Variants in ATG7 observed in about 807,000 individuals in gnomAD.
The protein encoded by ATG7 is ubiquitin-like modifier-activating enzyme ATG7.
A neutral mutation model predicts 82.4 loss-of-function variants in ATG7; 70 were observed. That is an observed-to-expected ratio of 0.85 (90% CI 0.70 to 1.04). The LOEUF is 1.04. Among genes scored for constraint, ATG7 ranks in the 50% least tolerant of loss-of-function variants. The pLI is 0.00. For synonymous variants in ATG7, 287 were observed against 313.0 expected (o/e 0.92, Z 0.88); for missense variants, 792 against 864.3 (o/e 0.92, Z 1.05).
At chr3:11,538,878 A>AAAAAG (rs1395250253) in intron 20 of ATG7, among the ~76,000 whole-genome samples, 55 of 151,040 alleles carry the variant, frequency 3.6e-4, no homozygotes, top group Non-Finnish European at 5.0e-4. Flanking sequence ...TTGTCTCAAA[A>AAAAAG]AAAAAGAAAA....
At chr3:11,489,801 T>C (rs1415155791) in intron 20 of ATG7, among the ~76,000 whole-genome samples, 2 of 151,972 alleles carry the variant, frequency 1.3e-5, no homozygotes, top group Non-Finnish European at 2.9e-5. Flanking sequence ...GTGAGTTTCT[T>C]AATCCTGAGT....
intron 20 of ATG7, among the ~76,000 whole-genome samples, chr3:11,464,586 G>T (rs548509801): frequency 6.6e-6 from 1 of 152,054 alleles, no homozygotes; most frequent in East Asian, 1.9e-4. Context: ...CTTGTTTCTT[G>T]CCAAACCTGG....
intron 20 of ATG7, among the ~76,000 whole-genome samples, chr3:11,522,489 A>T (rs193168702): frequency 2.6e-5 from 4 of 152,272 alleles, no homozygotes; most frequent in Admixed American, 6.5e-5. Context: ...GATGAGCCTC[A>T]TACTGTGCAC....
At chr3:11,488,282 G>A in intron 20 of ATG7, 1 of 278,560 alleles carries the variant, frequency 3.6e-6, no homozygotes, top group East Asian at 6.3e-5. Context: ...CACTTTGGGA[G>A]GCCAAGGCAG....
intron 20 of ATG7, among the ~76,000 whole-genome samples, chr3:11,497,357 C>CTATATATATATGTATATGTATATATATA (rs1281826628): frequency 7.0e-5 from 4 of 57,294 alleles, no homozygotes; most frequent in African/African-American, 2.7e-4. Context: ...ACTAAAAATA[C>CTATATATATATGTATATGTATATATATA]TATATATATA....
intron 11 of ATG7, among the ~76,000 whole-genome samples, chr3:11,338,031 G>T (rs1952818812): frequency 6.6e-6 from 1 of 151,972 alleles, no homozygotes; most frequent in Non-Finnish European, 1.5e-5. Flanking sequence ...TTTCCCAGGG[G>T]TTTGTTGTAC....
intron 20 of ATG7, among the ~76,000 whole-genome samples, chr3:11,499,892 C>T (rs935331861): frequency 1.3e-5 from 2 of 152,148 alleles, no homozygotes; most frequent in African/African-American, 2.4e-5. Flanking sequence ...TTGTGCATCC[C>T]CCAAGATGCA....
chr3:11,308,782 A>T (rs1417391397), intron 6 of ATG7: 1 of 598,314 alleles, frequency 1.7e-6, no homozygotes, highest in African/African-American at 1.9e-5. Context: ...CACTTGGCTT[A>T]GATGTTGAAG....
At chr3:11,497,361 A>ATATATATGTATATG (rs1287065693) in intron 20 of ATG7, among the ~76,000 whole-genome samples, 7 of 57,900 alleles carry the variant, frequency 1.2e-4, no homozygotes, top group African/African-American at 4.9e-4. Flanking sequence ...AAAATACTAT[A>ATATATATGTATATG]TATATATATA....
intron 11 of ATG7, among the ~76,000 whole-genome samples, chr3:11,336,760 C>T (rs758754295): frequency 2.0e-5 from 3 of 152,122 alleles, no homozygotes; most frequent in Non-Finnish European, 4.4e-5. Context: ...GCAGCCTTGA[C>T]CTCCCAGGCT....
chr3:11,351,443 T>C (rs1236643059), intron 14 of ATG7, among the ~76,000 whole-genome samples: 4 of 151,890 alleles, frequency 2.6e-5, no homozygotes, highest in Non-Finnish European at 5.9e-5. Context: ...GTAGGATGAG[T>C]GTGGTACTTT....
At chr3:11,517,725 G>A (rs1204309331) in intron 20 of ATG7, among the ~76,000 whole-genome samples, 1 of 152,266 alleles carries the variant, frequency 6.6e-6, no homozygotes, top group Admixed American at 6.5e-5. Flanking sequence ...ATGGCACATG[G>A]AAGAGAGCAG....
chr3:11,333,461 G>A (rs376373008), intron 11 of ATG7, among the ~76,000 whole-genome samples: 43 of 152,256 alleles, frequency 2.8e-4, no homozygotes, highest in East Asian at 2.3e-3. Flanking sequence ...TATACTTAAA[G>A]TTGTATGTGA....
intron 14 of ATG7, among the ~76,000 whole-genome samples, chr3:11,357,846 T>TA (rs1462014344): frequency 1.3e-5 from 2 of 151,632 alleles, no homozygotes; most frequent in Non-Finnish European, 2.9e-5. Flanking sequence ...CTATCTCTAC[T>TA]AAAAATTAAA....
At chr3:11,539,126 T>C (rs1246847731) in intron 20 of ATG7, among the ~76,000 whole-genome samples, 1 of 152,014 alleles carries the variant, frequency 6.6e-6, no homozygotes, top group Non-Finnish European at 1.5e-5. Context: ...TAAAGTTGTG[T>C]TCTCCATCAT....
intron 3 of ATG7, among the ~76,000 whole-genome samples, chr3:11,295,679 G>GT (rs778379824): frequency 2.0e-5 from 3 of 151,964 alleles, no homozygotes; most frequent in African/African-American, 4.8e-5. Context: ...TCTTCTCAAA[G>GT]TTTTTTTACT....
chr3:11,575,923 C>G, the ATG7 span, among the ~76,000 whole-genome samples: 5 of 152,384 alleles, frequency 3.3e-5, no homozygotes, highest in East Asian at 9.6e-4. Context: ...CACGGAAATG[C>G]TGGCCAGCAG....
intron 20 of ATG7, 59 bp from the exon 21 acceptor site, chr3:11,554,752 G>T: frequency 6.2e-7 from 1 of 1,600,612 alleles, no homozygotes; most frequent in Admixed American, 1.7e-5. Context: ...TGAAGCATCT[G>T]TGTGCCCCCC....
intron 20 of ATG7, among the ~76,000 whole-genome samples, chr3:11,428,188 G>A (rs965838922): frequency 1.3e-5 from 2 of 152,170 alleles, no homozygotes; most frequent in Admixed American, 1.3e-4. Context: ...GATTGCATGG[G>A]TGCAAAGATC....
Sources: allele counts gnomAD v4.1 joint callset (sites outside exome capture counted in the v4.1 genomes callset), GRCh38; gene constraint gnomAD v4.1.1; transcripts MANE v1.5; gene names NCBI Gene and HGNC (gene_info 2026-07-23, HGNC 2026-07-21).